The following TXNDC12 variants were observed in gnomAD, a reference collection of about 807,000 sequenced individuals.
The protein encoded by TXNDC12 is thioredoxin domain-containing protein 12.
Under a neutral mutation model 24.2 loss-of-function variants are expected in TXNDC12, and 22 were observed. The observed-to-expected ratio is 0.91, with a 90% CI of 0.65 to 1.30. The LOEUF is 1.30. TXNDC12 is among the 50% of genes most tolerant of loss of function. TXNDC12 has a pLI of 0.00. For missense variants in TXNDC12, 184 were observed against 205.8 expected (o/e 0.89, Z 0.65); for synonymous variants, 58 against 73.4 (o/e 0.79, Z 1.07).
At chr1:52,051,920 C>T (rs1686213727) in intron 1 of TXNDC12, 2 of 169,142 alleles carry the variant, frequency 1.2e-5, no homozygotes, top group African/African-American at 4.8e-5. Context: ...CCAAGAGATA[C>T]ATAAAACAAA....
At chr1:52,032,610 T>A (rs1685783877) in intron 2 of TXNDC12, 1 of 1,510,886 alleles carries the variant, frequency 6.6e-7, no homozygotes, top group Non-Finnish European at 8.8e-7. Context: ...TGCATCGATA[T>A]GCTCTGGAGA....
chr1:52,027,768 T>C (rs1308802767), intron 3 of TXNDC12, among the ~76,000 whole-genome samples: 2 of 149,210 alleles, frequency 1.3e-5, no homozygotes, highest in Non-Finnish European at 3.0e-5. Context: ...TATATACGTA[T>C]ATATTATATG....
At chr1:52,022,634 G>GT (rs1298991362) in intron 6 of TXNDC12, among the ~76,000 whole-genome samples, 3 of 142,142 alleles carry the variant, frequency 2.1e-5, no homozygotes, top group East Asian at 2.1e-4. Context: ...GGGTTTTTTT[G>GT]GTTTTTTTTT....
intron 1 of TXNDC12, among the ~76,000 whole-genome samples, chr1:52,053,514 A>G (rs1686261135): frequency 6.6e-6 from 1 of 151,884 alleles, no homozygotes; most frequent in South Asian, 2.1e-4. Context: ...AATACAAAAA[A>G]TTAGCCAGAC....
Position 52,027,291 on chromosome 1 carries a change from A to G in TXNDC12, c.269T>C (p.Val90Ala), listed in dbSNP as rs780702440. ...AAGTCTTACCTCAAGATTTACCATAACAAAATTATGGGAGAGTTCTGAAAT... is the reference window on the plus strand; with the variant it reads ...AAGTCTTACCTCAAGATTTACCATAGCAAAATTATGGGAGAGTTCTGAAAT... ...TEISELSHNF[V>A]MVNLEDEEEP... The change falls in exon 4 of 7, where the codon GTT becomes GCT. Residue 90 changes from valine to alanine, a missense_variant. By Grantham distance (64) the Val-to-Ala change is moderately conservative. Transcript: ENST00000371626. 11 of 1,612,766 alleles carry G rather than the reference A, an allele frequency of 6.8e-6. No homozygotes were observed. The highest frequency in any genetic ancestry group is 9.3e-6 in the Non-Finnish European group (11 of 1,179,110).
At chr1:52,054,856 C>CT in intron 1 of TXNDC12, 144 bp downstream of exon 1, 1 of 613,694 alleles carries the variant, frequency 1.6e-6, no homozygotes, top group South Asian at 2.1e-5. Flanking sequence ...TCTTCAAACT[C>CT]CAGGAGCGGT....
At chr1:52,036,260 T>C (rs1685881279) in intron 2 of TXNDC12, among the ~76,000 whole-genome samples, 1 of 152,150 alleles carries the variant, frequency 6.6e-6, no homozygotes, top group African/African-American at 2.4e-5. Context: ...ATATTATATA[T>C]TGTATTCTTA....
intron 3 of TXNDC12, among the ~76,000 whole-genome samples, chr1:52,027,915 C>T (rs1419271285): frequency 2.6e-5 from 4 of 151,958 alleles, no homozygotes; most frequent in Non-Finnish European, 5.9e-5. Flanking sequence ...TCACTGCAAC[C>T]TCCGCCTCTC....
intron 2 of TXNDC12, among the ~76,000 whole-genome samples, 182 bp from the exon 3 acceptor site, chr1:52,028,812 A>G (rs1685711007): frequency 6.6e-6 from 1 of 152,178 alleles, no homozygotes; most frequent in Admixed American, 6.5e-5. Context: ...ACACTTCTGT[A>G]AATTCTGCAA....
intron 2 of TXNDC12, among the ~76,000 whole-genome samples, chr1:52,034,795 G>A (rs1034866240): frequency 6.6e-6 from 1 of 151,792 alleles, no homozygotes; most frequent in South Asian, 2.1e-4. Flanking sequence ...ATGGAGCCTC[G>A]CTCTGTCACC....
At position 52,020,396 on chromosome 1, in the gene TXNDC12, G is replaced by T; in HGVS notation, c.*537C>A. 3.4e-6 allele frequency: 1 copy of T among 295,016 alleles called. No homozygotes were observed. Among genetic ancestry groups the T allele is most frequent in the Non-Finnish European group, 6.7e-6 (1 of 150,256 alleles). The allele number at this position is 295,016 out of a possible 1,614,324, so 18.3% of individuals were successfully genotyped here. On this transcript the variant is annotated 3_prime_UTR_variant, in exon 7 of 7. Coordinates refer to ENST00000371626, the MANE Select transcript of TXNDC12 (RefSeq NM_015913.4). ...AGAGGCTGTAGAAATTTGGGAAGAA[G>T]CCCACAATTATTCCCAGGAGAAAAA...
At chr1:52,040,196 G>C (rs1450836973) in intron 2 of TXNDC12, among the ~76,000 whole-genome samples, 1 of 152,062 alleles carries the variant, frequency 6.6e-6, no homozygotes. Flanking sequence ...GCCTCCCAAA[G>C]TGCTGAGATT....
At chr1:52,041,971 T>C (rs1356583513) in intron 1 of TXNDC12, among the ~76,000 whole-genome samples, 5 of 152,236 alleles carry the variant, frequency 3.3e-5, no homozygotes, top group Non-Finnish European at 5.9e-5. Context: ...GATTCAGCAA[T>C]ACAGCTTTAG....
Position 52,041,563 on chromosome 1 carries a change from T to A in TXNDC12, c.132A>T (p.Glu44Asp), listed in dbSNP as rs1223534426. 1 of 1,612,950 alleles carries A rather than the reference T, an allele frequency of 6.2e-7. No homozygotes were observed. Among genetic ancestry groups the A allele is most frequent in the South Asian group, 1.1e-5 (1 of 90,874 alleles). ...FGDHIHWRTL[E>D]DGKKEAAASG... ...TGGCAGCTGCTTCTTTCTTCCCATC[T>A]TCCAGTGTCCTCCAATGAATATGAT... Residue 44 changes from glutamate to aspartate, a missense_variant, in exon 2 of 7, where the codon GAA (glutamate) becomes GAT (aspartate). Transcript: ENST00000371626.
chr1:52,039,783 G>A (rs1392325382), intron 2 of TXNDC12, among the ~76,000 whole-genome samples: 1 of 152,164 alleles, frequency 6.6e-6, no homozygotes, highest in Non-Finnish European at 1.5e-5. Flanking sequence ...TATTAGTAAT[G>A]TTATATACTA....
chr1:52,034,814 A>C lies in TXNDC12; in HGVS notation c.159-6184T>G, dbSNP rs540483285. Among the ~76,000 whole-genome samples, 6 of 152,070 alleles carry C rather than the reference A, an allele frequency of 3.9e-5. No homozygotes were observed. In the South Asian group the frequency reaches 1.2e-3, roughly 32 times the overall value. ...AGCCTCGCTCTGTCACCCAGCCTGGACCACAGTGGTATGATCTCAGCTCCC... is the reference window on the plus strand; with the variant it reads ...AGCCTCGCTCTGTCACCCAGCCTGGCCCACAGTGGTATGATCTCAGCTCCC... On this transcript the variant is annotated intron_variant, in intron 2 of 6. Transcript: ENST00000371626.
chr1:52,033,336 C>T (rs1013157231), intron 2 of TXNDC12: 2 of 1,613,764 alleles, frequency 1.2e-6, no homozygotes, highest in Non-Finnish European at 1.7e-6. Flanking sequence ...CCTGGGCTCT[C>T]CCGTCCTCCT....
intron 3 of TXNDC12, 85 bp downstream of exon 3, chr1:52,028,493 G>T: frequency 9.3e-7 from 1 of 1,079,440 alleles, no homozygotes; most frequent in Non-Finnish European, 1.4e-6. Context: ...GTAGTGCTGG[G>T]CCAGAGTCAG....
At chr1:52,026,733 T>G (rs1685676150) in intron 4 of TXNDC12, among the ~76,000 whole-genome samples, 1 of 151,996 alleles carries the variant, frequency 6.6e-6, no homozygotes, top group Non-Finnish European at 1.5e-5. Context: ...GACCCTCATA[T>G]CTACTAAAAA....
Sources: gnomAD v4.1 joint callset for allele counts (sites outside exome capture counted in the v4.1 genomes callset) on GRCh38, gnomAD v4.1.1 for gene constraint, MANE v1.5 for transcripts, NCBI Gene and HGNC (gene_info 2026-07-23, HGNC 2026-07-21) for gene names.